The following NCALD variants were observed in gnomAD, a reference collection of about 807,000 sequenced individuals.
The protein encoded by NCALD is neurocalcin-delta.
A neutral mutation model predicts 18.6 loss-of-function variants in NCALD; 10 were observed. That is an observed-to-expected ratio of 0.54 (90% CI 0.33 to 0.91). The LOEUF (loss-of-function observed/expected upper bound fraction) is 0.91, where lower values mean the gene tolerates loss of function less well. Ranked by LOEUF, NCALD falls within the 40% of genes least tolerant of loss-of-function variation. NCALD has a pLI of 0.03. For missense variants in NCALD, 184 were observed against 247.6 expected (o/e 0.74, Z 1.72); for synonymous variants, 88 against 87.4 (o/e 1.01, Z -0.04).
rs185423825 is a variant in NCALD at position 102,027,347 on chromosome 8, T to C, written c.-209-7058A>G. On this transcript the variant is annotated intron_variant, in intron 1 of 6. Coordinates refer to the NCALD transcript ENST00000311028. ...AATTTCTTCTGCCAGATACCCTATA[T>C]CATCTCTCTCAAGTTCAAAGTTCCA... is the stretch of plus-strand genomic sequence containing the variant. Among the ~76,000 whole-genome samples the C allele has an allele frequency of 2.8e-4, 43 of 152,332 alleles. 1 individual carries two copies. Among genetic ancestry groups the C allele is most frequent in the African/African-American group, 9.9e-4 (41 of 41,582 alleles).
chr8:101,956,587 G>A (rs1239515783), intron 2 of NCALD, among the ~76,000 whole-genome samples: 1 of 152,130 alleles, frequency 6.6e-6, no homozygotes, highest in Non-Finnish European at 1.5e-5. Flanking sequence ...GAGGGATAGG[G>A]AGAGGGAGGT....
chr8:101,822,172 C>T lies in NCALD; in HGVS notation c.-20+64969G>A, dbSNP rs866513692. 2.0e-5 allele frequency among the ~76,000 whole-genome samples: 3 copies of T among 152,144 alleles called. No individual in the cohort carries two copies. In the South Asian group the frequency reaches 6.2e-4, roughly 32 times the overall value. On this transcript the variant is annotated intron_variant, in intron 4 of 6. Coordinates refer to the NCALD transcript ENST00000311028. ...TTCTAAAGAAACAAATTATGGAAGACAAATTATAGAATGTATTCCTCGATT... is the reference window on the plus strand; with the variant it reads ...TTCTAAAGAAACAAATTATGGAAGATAAATTATAGAATGTATTCCTCGATT...
At position 102,002,670 on chromosome 8, in the gene NCALD, C is replaced by A. The variant is rs191125091; in HGVS notation, c.-157+17567G>T. ...AATGTAAAAGATCAGAAATTATAAC[C>A]AACTGCCTCTCAGACCACAGTGCAA... On this transcript the variant is annotated intron_variant, in intron 2 of 6. Coordinates refer to the NCALD transcript ENST00000311028. Among the ~76,000 whole-genome samples the A allele has an allele frequency of 9.6e-3, 1,460 of 152,114 alleles. 24 individuals are homozygous for A. The highest frequency in any genetic ancestry group is 0.03 in the African/African-American group (1,243 of 41,500).
At chr8:101,779,334 TAAGA>T (rs1586481108) in intron 1 of NCALD, among the ~76,000 whole-genome samples, 1 of 152,190 alleles carries the variant, frequency 6.6e-6, no homozygotes, top group East Asian at 1.9e-4. Context: ...GCATCTTCAA[TAAGA>T]AAGAGGTTAC....
chr8:101,995,922 C>A (rs182857521), intron 2 of NCALD, among the ~76,000 whole-genome samples: 32 of 152,328 alleles, frequency 2.1e-4, no homozygotes, highest in African/African-American at 7.5e-4. Context: ...TTCTGCCCTG[C>A]AAACTCTATA....
At chr8:101,925,835 T>C (rs1818318064) in intron 2 of NCALD, among the ~76,000 whole-genome samples, 8 of 152,110 alleles carry the variant, frequency 5.3e-5, no homozygotes, top group Admixed American at 3.3e-4. Flanking sequence ...AAAGAAGGAA[T>C]GATTGATTGT....
intron 2 of NCALD, among the ~76,000 whole-genome samples, chr8:101,698,260 A>G (rs1815095868): frequency 1.3e-5 from 2 of 152,242 alleles, no homozygotes; most frequent in African/African-American, 2.4e-5. Context: ...AGAATTACAG[A>G]CCACTGCTCA....
chr8:101,920,923 G>A (rs921960856), intron 2 of NCALD, among the ~76,000 whole-genome samples: 3 of 152,194 alleles, frequency 2.0e-5, no homozygotes, highest in Admixed American at 6.5e-5. Flanking sequence ...CATGTAATGT[G>A]ACAATAGGAA....
In NCALD at chr8:101,784,148, A is replaced by T. The variant is rs147718330; in HGVS notation, c.-20+6714T>A. Among the ~76,000 whole-genome samples the T allele has an allele frequency of 1.9e-3, 292 of 152,220 alleles. 1 individual carries two copies. Among genetic ancestry groups the T allele is most frequent in the African/African-American group, 6.4e-3 (268 of 41,564 alleles). ...TGATTCCCTGGCATCAGGAGGGGGAAGGAAGACCTGATGACCGGGCCTGGA... is the reference window on the plus strand; with the variant it reads ...TGATTCCCTGGCATCAGGAGGGGGATGGAAGACCTGATGACCGGGCCTGGA... On this transcript the variant is annotated intron_variant, in intron 1 of 3. Transcript: ENST00000220931.
chr8:102,048,719 T>G (rs1431282904), intron 1 of NCALD, among the ~76,000 whole-genome samples: 1 of 152,218 alleles, frequency 6.6e-6, no homozygotes, highest in African/African-American at 2.4e-5. Flanking sequence ...CTTATGTACT[T>G]TCTTCTATTT....
At chr8:101,797,705 A>C (rs1772308811) in intron 4 of NCALD, among the ~76,000 whole-genome samples, 1 of 152,052 alleles carries the variant, frequency 6.6e-6, no homozygotes, top group African/African-American at 2.4e-5. Context: ...AGTCCCAGCT[A>C]ATCCGGAAGC....
At chr8:102,007,463 T>G (rs1821752968) in intron 2 of NCALD, among the ~76,000 whole-genome samples, 1 of 152,204 alleles carries the variant, frequency 6.6e-6, no homozygotes, top group African/African-American at 2.4e-5. Flanking sequence ...GACTGAACCT[T>G]GAAAAGTACA....
intron 1 of NCALD, among the ~76,000 whole-genome samples, chr8:102,120,931 G>A (rs1264150951): frequency 1.3e-5 from 2 of 152,038 alleles, no homozygotes; most frequent in Non-Finnish European, 2.9e-5. Flanking sequence ...TTCATTATCC[G>A]CAAATGATAT....
intron 2 of NCALD, among the ~76,000 whole-genome samples, chr8:102,004,560 C>T (rs1244940045): frequency 6.6e-6 from 1 of 152,104 alleles, no homozygotes; most frequent in African/African-American, 2.4e-5. Flanking sequence ...AAAAAAGAGC[C>T]CGCATCGCCA....
chr8:101,872,098 G>C (rs1200798686), intron 4 of NCALD: 1 of 1,585,324 alleles, frequency 6.3e-7, no homozygotes, highest in East Asian at 2.2e-5. Context: ...GCAGGTGGTT[G>C]AATTGGCTTT....
intron 1 of NCALD, among the ~76,000 whole-genome samples, chr8:102,082,535 A>G (rs760275384): frequency 1.3e-5 from 2 of 151,666 alleles, no homozygotes; most frequent in African/African-American, 2.4e-5. Flanking sequence ...GCCACCTCCA[A>G]CTCCCATTCC....
chr8:101,708,639 C>T (rs907917055), intron 2 of NCALD, among the ~76,000 whole-genome samples: 6 of 151,936 alleles, frequency 3.9e-5, no homozygotes, highest in African/African-American at 1.2e-4. Flanking sequence ...TTAGGTGTTT[C>T]GATTAGCTGC....
At chr8:101,835,394 T>C (rs1018692797) in intron 4 of NCALD, among the ~76,000 whole-genome samples, 1 of 152,222 alleles carries the variant, frequency 6.6e-6, no homozygotes, top group Admixed American at 6.5e-5. Flanking sequence ...GGAGACATTT[T>C]AGACTGTTAC....
At chr8:101,869,106 C>T (rs564706015) in intron 4 of NCALD, among the ~76,000 whole-genome samples, 1 of 152,306 alleles carries the variant, frequency 6.6e-6, no homozygotes, top group East Asian at 1.9e-4. Context: ...GGAGAGTTCA[C>T]ACATGTGGTA....
Sources: gnomAD v4.1 joint callset for allele counts (sites outside exome capture counted in the v4.1 genomes callset) on GRCh38, gnomAD v4.1.1 for gene constraint, MANE v1.5 for transcripts, NCBI Gene and HGNC (gene_info 2026-07-23, HGNC 2026-07-21) for gene names.